Variants in SLC41A2 observed in about 807,000 individuals in gnomAD.
SLC41A2 encodes solute carrier family 41 member 2, also known as SLC41A1-like 1.
A neutral mutation model predicts 58.3 loss-of-function variants in SLC41A2; 32 were observed. The observed-to-expected ratio is 0.55, with a 90% confidence interval of 0.41 to 0.74. SLC41A2 has a LOEUF of 0.74. Among genes scored for constraint, SLC41A2 ranks in the 30% least tolerant of loss-of-function variants. SLC41A2 has a pLI of 0.00. For missense variants in SLC41A2, 514 were observed against 680.6 expected (o/e 0.76, Z 2.72); for synonymous variants, 190 against 235.0 (o/e 0.81, Z 1.75).
At chr12:104,957,361 A>G (rs1043299933) in intron 1 of SLC41A2, among the ~76,000 whole-genome samples, 3 of 152,152 alleles carry the variant, frequency 2.0e-5, no homozygotes, top group African/African-American at 7.2e-5. Flanking sequence ...AGTGGTGGCT[A>G]GTGGGGTGGG....
At position 104,928,523 on chromosome 12, in the gene SLC41A2, G is replaced by A; in HGVS notation, c.5C>T (p.Thr2Ile). The A allele has an allele frequency of 6.7e-7, 1 of 1,485,486 alleles. No individual in the cohort carries two copies. Among genetic ancestry groups the A allele is most frequent in the Non-Finnish European group, 9.0e-7 (1 of 1,116,366 alleles). 92.0% of individuals were successfully genotyped at this position (1,485,486 alleles called of 1,614,324 possible). ...GGTAATAGATCTTCCTTTACTATTA[G>A]TCATATTGTCATCACAAAAGACCCT... MTNSKGRSITDK... is the reference protein window; with the variant it reads MINSKGRSITDK... Residue 2 changes from threonine to isoleucine, a missense_variant, in exon 2 of 11, where the codon ACT becomes ATT. By Grantham distance (89) the Thr-to-Ile change is moderately conservative (BLOSUM62 -1). Coordinates refer to ENST00000258538, the MANE Select transcript of SLC41A2 (RefSeq NM_001352171.3).
At position 104,930,309 on chromosome 12, in the gene SLC41A2, C is replaced by T. The variant is rs138064574; in HGVS notation, c.-167-1615G>A. On this transcript the variant is annotated intron_variant, in intron 1 of 10. Transcript: ENST00000258538. ...AAAATCAGATTAATGAAACCAATGGCCAGAGTGAAGCAGAGATAAAACGAT... is the reference window on the plus strand; with the variant it reads ...AAAATCAGATTAATGAAACCAATGGTCAGAGTGAAGCAGAGATAAAACGAT... Among the ~76,000 whole-genome samples the T allele has an allele frequency of 2.0e-3, 306 of 152,162 alleles. 5 individuals carry two copies. The East Asian group carries it at 0.045, about 22-fold the overall frequency.
intron 10 of SLC41A2, among the ~76,000 whole-genome samples, chr12:104,825,863 G>A (rs1288469458): frequency 6.6e-6 from 1 of 152,164 alleles, no homozygotes; most frequent in Non-Finnish European, 1.5e-5. Context: ...ACAGTCCCTG[G>A]GACCTCAAAG....
chr12:104,822,070 T>C (rs2041659341), intron 10 of SLC41A2, among the ~76,000 whole-genome samples: 1 of 152,136 alleles, frequency 6.6e-6, no homozygotes. Context: ...TAAGAAATGA[T>C]AGCCTAAAAA....
intron 3 of SLC41A2, among the ~76,000 whole-genome samples, chr12:104,908,875 C>CATTGTAATTA (rs2135775861): frequency 6.6e-6 from 1 of 151,688 alleles, no homozygotes; most frequent in Non-Finnish European, 1.5e-5. Flanking sequence ...TAGAACAGGC[C>CATTGTAATTA]CTAAAAAAAT....
At chr12:104,869,799 G>A (rs1293805400) in intron 6 of SLC41A2, among the ~76,000 whole-genome samples, 1 of 152,084 alleles carries the variant, frequency 6.6e-6, no homozygotes, top group Non-Finnish European at 1.5e-5. Context: ...ATATACTGGT[G>A]TTTTATAGAT....
At chr12:104,823,450 A>G (rs1285933074) in intron 10 of SLC41A2, among the ~76,000 whole-genome samples, 1 of 152,136 alleles carries the variant, frequency 6.6e-6, no homozygotes, top group Non-Finnish European at 1.5e-5. Flanking sequence ...GGAACAGAAG[A>G]AAGTCTAGAA....
chr12:104,929,226 G>C (rs10507189), intron 1 of SLC41A2, among the ~76,000 whole-genome samples: 11,393 of 152,136 alleles, frequency 0.075, 486 homozygotes, highest in Middle Eastern at 0.11. Flanking sequence ...CACTTGGTAG[G>C]TATCCTGAAT....
At chr12:104,920,452 G>A (rs151238820) in intron 2 of SLC41A2, among the ~76,000 whole-genome samples, 383 of 151,730 alleles carry the variant, frequency 2.5e-3, no homozygotes, top group Non-Finnish European at 3.9e-3. Flanking sequence ...AAAACAAATC[G>A]TAAAACTGAG....
rs2046926037 is a variant in SLC41A2, at chr12:104,928,292, C to G, written c.236G>C (p.Arg79Thr). 4.3e-6 allele frequency: 7 copies of G among 1,612,800 alleles called. No individual in the cohort carries two copies. Among genetic ancestry groups the G allele is most frequent in the Non-Finnish European group, 5.1e-6 (6 of 1,179,096 alleles). The change falls in exon 2 of 11, where the codon AGA becomes ACA. Residue 79 changes from arginine to threonine, a missense_variant. Coordinates refer to ENST00000258538, the MANE Select transcript of SLC41A2 (RefSeq NM_001352171.3). The stretch of plus-strand genomic sequence containing the variant: ...GTGATACTCCATGTGTTGCTCAGAT[C>G]TATTACTAAAAGTCTGTACTGCAGT... ...LSTAVQTFSNRSEQHMEYHSF... is the reference protein window; with the variant it reads ...LSTAVQTFSNTSEQHMEYHSF...
intron 2 of SLC41A2, among the ~76,000 whole-genome samples, chr12:104,923,091 G>A (rs988571724): frequency 6.6e-5 from 10 of 151,208 alleles, no homozygotes; most frequent in East Asian, 5.8e-4. Flanking sequence ...GGCCGGGCGC[G>A]GTGGCTCATG....
At chr12:104,897,884 T>G (rs1474090808) in intron 3 of SLC41A2, among the ~76,000 whole-genome samples, 1 of 152,182 alleles carries the variant, frequency 6.6e-6, no homozygotes, top group African/African-American at 2.4e-5. Flanking sequence ...CATCCTACTG[T>G]CCAGTGGTTT....
chr12:104,847,874 G>A (rs1173424622), intron 8 of SLC41A2, among the ~76,000 whole-genome samples: 3 of 152,138 alleles, frequency 2.0e-5, no homozygotes, highest in African/African-American at 7.2e-5. Flanking sequence ...GTTTTGTTAT[G>A]TATTGTTTCA....
intron 6 of SLC41A2, among the ~76,000 whole-genome samples, chr12:104,880,711 G>C (rs887596675): frequency 2.6e-5 from 4 of 152,146 alleles, no homozygotes; most frequent in Non-Finnish European, 5.9e-5. Flanking sequence ...TGCTGGATTC[G>C]TTTTGCCAGT....
intron 8 of SLC41A2, among the ~76,000 whole-genome samples, chr12:104,857,288 C>T (rs954559959): frequency 7.2e-5 from 11 of 152,154 alleles, no homozygotes; most frequent in African/African-American, 2.7e-4. Context: ...GAAATCCCAA[C>T]ACCTAGCTAA....
intron 10 of SLC41A2, among the ~76,000 whole-genome samples, chr12:104,817,531 T>A (rs2041460464): frequency 6.6e-6 from 1 of 151,994 alleles, no homozygotes; most frequent in Non-Finnish European, 1.5e-5. Context: ...ACAAAAATAT[T>A]TTCCTTCTTT....
chr12:104,937,778 A>C (rs1253310210), intron 1 of SLC41A2, among the ~76,000 whole-genome samples: 1 of 152,200 alleles, frequency 6.6e-6, no homozygotes. Context: ...AACCTCCTGA[A>C]TCAAAGTCTG....
At chr12:104,883,926 AG>A (rs371764783) in intron 6 of SLC41A2, among the ~76,000 whole-genome samples, 8 of 152,200 alleles carry the variant, frequency 5.3e-5, no homozygotes, top group Middle Eastern at 3.2e-3. Context: ...CCTTTTATTC[AG>A]CTATGTCCTG....
chr12:104,845,846 G>T lies in SLC41A2; in HGVS notation c.1384C>A (p.Pro462Thr). Residue 462 changes from proline to threonine, a missense_variant, in exon 9 of 11, where the codon CCA (proline) becomes ACA (threonine). Around this residue, in one of 3 missense-constraint regions of SLC41A2, gnomAD observed 128 missense variants for 146.0 expected, o/e 0.88. Transcript: ENST00000258538. ...GCAAAAATCCATAAGCACATACCTG[G>T]ACCAAAGAAAGTTCTAAATGGGTAG... The part of the protein sequence containing the change: ...CYYPFRTFFG[P>T]GVNNKSAQVL... The T allele has an allele frequency of 6.2e-7, 1 of 1,612,084 alleles. No homozygotes were observed. Among genetic ancestry groups the T allele is most frequent in the South Asian group, 1.1e-5 (1 of 90,686 alleles).
Sources: gnomAD v4.1 joint callset for allele counts (sites outside exome capture counted in the v4.1 genomes callset) on GRCh38, gnomAD v4.1.1 for gene constraint, gnomAD v4.1.1 regional missense constraint, MANE v1.5 for transcripts, NCBI Gene and HGNC (gene_info 2026-07-23, HGNC 2026-07-21) for gene names.